The following NXN variants were observed in gnomAD, a reference collection of about 807,000 sequenced individuals.
The protein encoded by NXN is nucleoredoxin 1.
In NXN, 16 loss-of-function variants were observed where a neutral mutation model predicts 48.6. The observed-to-expected ratio is 0.33, with a 90% CI of 0.22 to 0.50. The LOEUF (loss-of-function observed/expected upper bound fraction) is 0.50, where lower values mean the gene tolerates loss of function less well. Among genes scored for constraint, NXN ranks in the 20% least tolerant of loss-of-function variants. The pLI is 0.98. For missense variants in NXN, 492 were observed against 605.5 expected (o/e 0.81, Z 1.97); for synonymous variants, 281 against 269.6 (o/e 1.04, Z -0.41).
chr17:871,739 G>A (rs989955220), intron 1 of NXN, among the ~76,000 whole-genome samples: 4 of 152,142 alleles, frequency 2.6e-5, no homozygotes, highest in Non-Finnish European at 4.4e-5. Flanking sequence ...AATGGAAAAT[G>A]TTGATGTTAC....
chr17:801,182 G>A (rs1238851891), intron 7 of NXN, 51 bp from the exon 8 acceptor site: 2 of 1,418,652 alleles, frequency 1.4e-6, no homozygotes, highest in Non-Finnish European at 1.9e-6. Context: ...AGAAAGGAGG[G>A]GGAGAGTCCC....
At chr17:893,596 T>C (rs954641988) in intron 1 of NXN, among the ~76,000 whole-genome samples, 18 of 143,260 alleles carry the variant, frequency 1.3e-4, no homozygotes, top group Non-Finnish European at 2.3e-4. Flanking sequence ...CTCAACTCCC[T>C]GGAAGCCAGA....
At chr17:846,068 C>T (rs2067857187) in intron 1 of NXN, among the ~76,000 whole-genome samples, 1 of 150,862 alleles carries the variant, frequency 6.6e-6, no homozygotes, top group African/African-American at 2.4e-5. Context: ...GGGGACAGAG[C>T]GAGACTGCAT....
intron 1 of NXN, among the ~76,000 whole-genome samples, chr17:948,727 G>C (rs773077195): frequency 6.6e-6 from 1 of 151,630 alleles, no homozygotes; most frequent in Non-Finnish European, 1.5e-5. Context: ...CCGCCCCAGC[G>C]CTCGGAGGCT....
chr17:816,958 T>G (rs1374750171), intron 5 of NXN, among the ~76,000 whole-genome samples: 1 of 152,168 alleles, frequency 6.6e-6, no homozygotes, highest in African/African-American at 2.4e-5. Flanking sequence ...GAGTAAGCGC[T>G]GACCTCCTTG....
chr17:816,643 G>A (rs372404589), intron 5 of NXN, among the ~76,000 whole-genome samples: 7 of 152,228 alleles, frequency 4.6e-5, no homozygotes, highest in East Asian at 1.9e-4. Context: ...CGATTAGGGT[G>A]AGTCTCCGCT....
chr17:944,113 C>T (rs2069015163), intron 1 of NXN, among the ~76,000 whole-genome samples: 1 of 151,378 alleles, frequency 6.6e-6, no homozygotes, highest in African/African-American at 2.4e-5. Context: ...GTGACGGGTG[C>T]CTGTAATCCC....
intron 1 of NXN, among the ~76,000 whole-genome samples, chr17:866,109 T>G (rs541150078): frequency 6.6e-6 from 1 of 152,346 alleles, no homozygotes; most frequent in African/African-American, 2.4e-5. Context: ...GCTCTATATA[T>G]TCAATAGAAT....
intron 1 of NXN, among the ~76,000 whole-genome samples, chr17:848,375 AG>A (rs1027310462): frequency 1.6e-4 from 25 of 152,214 alleles, no homozygotes; most frequent in African/African-American, 5.5e-4. Context: ...TCCTGACCTC[AG>A]GTGATCTGCC....
At chr17:895,804 G>GACAGAGCAAGACTCCA (rs1340225558) in intron 1 of NXN, among the ~76,000 whole-genome samples, 162 of 1,788 alleles carry the variant, frequency 0.091, 4 homozygotes, top group Non-Finnish European at 0.11. Context: ...GGTTTTGTTT[G>GACAGAGCAAGACTCCA]TCTCAAAAAC....
intron 1 of NXN, chr17:896,738 A>T: frequency 1.7e-6 from 1 of 571,794 alleles, no homozygotes; most frequent in Non-Finnish European, 2.3e-6. Flanking sequence ...TTTTACAGAG[A>T]GTTGTTTCTG....
chr17:918,629 C>T (rs1173103837), intron 1 of NXN, among the ~76,000 whole-genome samples: 1 of 149,830 alleles, frequency 6.7e-6, no homozygotes, highest in Non-Finnish European at 1.5e-5. Flanking sequence ...CCTGTCTCTA[C>T]TAAAAATACA....
chr17:974,612 C>T (rs940230501), intron 1 of NXN, among the ~76,000 whole-genome samples: 13 of 151,784 alleles, frequency 8.6e-5, no homozygotes, highest in Admixed American at 2.0e-4. Flanking sequence ...CAGAGATGTA[C>T]AGCGCCTTGC....
chr17:860,896 C>T (rs1208315179), intron 1 of NXN, among the ~76,000 whole-genome samples: 1 of 152,224 alleles, frequency 6.6e-6, no homozygotes, highest in African/African-American at 2.4e-5. Flanking sequence ...TCTGACTATT[C>T]CTCCTTTCTT....
In NXN at chr17:957,786, C is replaced by A. The variant is rs1433566109; in HGVS notation, c.360+21533G>T. Among the ~76,000 whole-genome samples the A allele has an allele frequency of 9.2e-5, 14 of 152,234 alleles. No homozygotes were observed. The East Asian group carries it at 2.7e-3, about 29-fold the overall frequency. On this transcript the variant is annotated intron_variant, in intron 1 of 7. Transcript: ENST00000336868. ...ACCTGTTTCCTGTCCTGTGGCATGT[C>A]TGGAACCCAGACTCTCTTTCTCAGT...
intron 5 of NXN, among the ~76,000 whole-genome samples, chr17:809,962 T>G (rs77097514): frequency 5.7e-5 from 5 of 87,260 alleles, no homozygotes; most frequent in Admixed American, 2.5e-4. Context: ...TCTGTGTGAG[T>G]GGCGTGTACG....
At position 803,700 on chromosome 17, in the gene NXN, C is replaced by T. The variant is rs1008371817; in HGVS notation, c.1107G>A (p.Leu369=). ...CACTCACCTCCCCGGCTACGAAGAACAGAAGGGGTGCCTCCTCCTCTTTGG... is the reference window on the plus strand; with the variant it reads ...CACTCACCTCCCCGGCTACGAAGAATAGAAGGGGTGCCTCCTCCTCTTTGG... The part of the protein sequence containing the change: ...YKAKEEEAPL[L]FFVAGEDDMT... Residue 369 remains leucine, a synonymous_variant, in exon 7 of 8, where the codon CTG becomes CTA. Transcript: ENST00000336868. 26 of 1,614,116 alleles carry T rather than the reference C, an allele frequency of 1.6e-5. No homozygotes were observed. The highest frequency in any genetic ancestry group is 2.1e-5 in the Non-Finnish European group (25 of 1,180,050).
chr17:840,952 C>T (rs948173025), intron 1 of NXN, among the ~76,000 whole-genome samples: 3 of 152,176 alleles, frequency 2.0e-5, no homozygotes, highest in Non-Finnish European at 4.4e-5. Context: ...CTGGCAGCCC[C>T]CACTCCTCCA....
chr17:895,649 T>A (rs529014141), intron 1 of NXN, among the ~76,000 whole-genome samples: 1,314 of 30,188 alleles, frequency 0.044, 8 homozygotes, highest in African/African-American at 0.14. Context: ...CGTCTCTACT[T>A]AAAATACAAA....
Sources: allele counts gnomAD v4.1 joint callset (sites outside exome capture counted in the v4.1 genomes callset), GRCh38; gene constraint gnomAD v4.1.1; transcripts MANE v1.5; gene names NCBI Gene and HGNC (gene_info 2026-07-23, HGNC 2026-07-21).